EPSTI1: variants seen among roughly 807,000 people sequenced by gnomAD.
EPSTI1 encodes the protein epithelial-stromal interaction protein 1.
A neutral mutation model predicts 49.9 loss-of-function variants in EPSTI1; 66 were observed. That is an observed-to-expected ratio of 1.32 (90% CI 1.08 to 1.62). EPSTI1 has a LOEUF of 1.62. Among genes scored for constraint, EPSTI1 ranks in the 40% most tolerant of loss-of-function variants. The probability of loss-of-function intolerance (pLI) is 0.00; values close to 1 mark genes in which losing one functional copy is unlikely to be tolerated. For synonymous variants in EPSTI1, 137 were observed against 130.7 expected (o/e 1.05, Z -0.33); for missense variants, 394 against 365.5 (o/e 1.08, Z -0.64).
At chr13:42,979,242 T>G (rs2039938537) in intron 1 of EPSTI1, among the ~76,000 whole-genome samples, 1 of 152,188 alleles carries the variant, frequency 6.6e-6, no homozygotes, top group Non-Finnish European at 1.5e-5. Flanking sequence ...CACAATGAGC[T>G]TTAGAATATC....
At chr13:42,989,318 G>A (rs1294309665) in intron 1 of EPSTI1, among the ~76,000 whole-genome samples, 1 of 152,000 alleles carries the variant, frequency 6.6e-6, no homozygotes, top group Non-Finnish European at 1.5e-5. Context: ...CTTATATTAA[G>A]TAATGAGGAA....
rs544913196 is a variant in EPSTI1 at position 42,893,781 on chromosome 13, T to C, written c.915+1228A>G. Among the ~76,000 whole-genome samples, 22 of 152,348 alleles carry C rather than the reference T, an allele frequency of 1.4e-4. No individual in the cohort carries two copies. In the South Asian group the frequency reaches 4.4e-3, roughly 30 times the overall value. On this transcript the variant is annotated intron_variant, in intron 10 of 10. Transcript: ENST00000313624. Reference sequence around the variant, plus strand: ...AACCATACAGTGTGTTTCCAAGCCCTGACCAAAATCTAAATTCCAATTGTG... The same window carrying C: ...AACCATACAGTGTGTTTCCAAGCCCCGACCAAAATCTAAATTCCAATTGTG...
chr13:42,991,568 A>C (rs993374445), intron 1 of EPSTI1, among the ~76,000 whole-genome samples: 1 of 152,222 alleles, frequency 6.6e-6, no homozygotes, highest in Non-Finnish European at 1.5e-5. Context: ...AACAGGCTTG[A>C]GCCAACGCGC....
intron 6 of EPSTI1, among the ~76,000 whole-genome samples, chr13:42,947,424 T>C (rs1234369612): frequency 2.6e-5 from 4 of 152,214 alleles, no homozygotes; most frequent in African/African-American, 4.8e-5. Context: ...CATGGAGCCT[T>C]CTTCTCCTCC....
intron 6 of EPSTI1, among the ~76,000 whole-genome samples, chr13:42,936,377 A>C (rs74426830): frequency 0.02 from 3,075 of 152,332 alleles, 96 homozygotes; most frequent in African/African-American, 0.069. Context: ...CGTAAGTCCA[A>C]TTCAATCAAG....
chr13:42,938,336 T>G (rs376859374), intron 6 of EPSTI1, among the ~76,000 whole-genome samples: 69 of 152,236 alleles, frequency 4.5e-4, no homozygotes, highest in African/African-American at 1.6e-3. Context: ...GTCTTATTAG[T>G]GGGCTTAAAA....
chr13:42,943,018 C>T (rs1408075447), intron 6 of EPSTI1, among the ~76,000 whole-genome samples: 2 of 152,192 alleles, frequency 1.3e-5, no homozygotes, highest in Non-Finnish European at 2.9e-5. Context: ...AAAACAAGCA[C>T]ATATTTGACC....
chr13:42,956,666 G>T (rs1435793600), intron 5 of EPSTI1, among the ~76,000 whole-genome samples: 1 of 152,184 alleles, frequency 6.6e-6, no homozygotes, highest in Non-Finnish European at 1.5e-5. Flanking sequence ...CCTGGATGGA[G>T]AATTGGTCTC....
intron 5 of EPSTI1, among the ~76,000 whole-genome samples, chr13:42,956,053 G>A (rs921141196): frequency 6.6e-6 from 1 of 152,104 alleles, no homozygotes; most frequent in Non-Finnish European, 1.5e-5. Context: ...TGGGGACACA[G>A]ACAAAAAAGA....
chr13:42,969,338 G>A (rs191912845), intron 2 of EPSTI1, 161 bp from the exon 3 acceptor site: 37 of 686,504 alleles, frequency 5.4e-5, no homozygotes, highest in Non-Finnish European at 4.3e-5. Context: ...GCCCTGACCC[G>A]TACAGGTCAT....
intron 8 of EPSTI1, among the ~76,000 whole-genome samples, chr13:42,917,169 C>T (rs1056941138): frequency 3.3e-5 from 5 of 152,162 alleles, no homozygotes; most frequent in African/African-American, 7.2e-5. Context: ...CTTTCTTATG[C>T]ATTATCACAT....
Position 42,917,791 on chromosome 13 carries a change from A to G in EPSTI1, c.658-167T>C, listed in dbSNP as rs79550861. Among the ~76,000 whole-genome samples, 297 of 152,324 alleles carry G rather than the reference A, an allele frequency of 1.9e-3. 1 individual carries two copies. The highest frequency in any genetic ancestry group is 7.0e-3 in the African/African-American group (290 of 41,566). ...CACTTGGTTATTAAGTGATTTATGC[A>G]TATGTCTGAAAACGTCCCTTGGAAC... On this transcript the variant is annotated intron_variant, in intron 7 of 10. Coordinates refer to ENST00000313624, the MANE Select transcript of EPSTI1 (RefSeq NM_033255.5).
chr13:42,990,870 C>CA (rs1233653059), intron 1 of EPSTI1, among the ~76,000 whole-genome samples: 1 of 152,162 alleles, frequency 6.6e-6, no homozygotes. Context: ...TGGACAGTTC[C>CA]AATTCACAGA....
In EPSTI1 at chr13:42,889,341, A is replaced by G. The variant is rs1444265200; in HGVS notation, c.916-839T>C. On this transcript the variant is annotated intron_variant, in intron 10 of 10. Coordinates refer to ENST00000313624, the MANE Select transcript of EPSTI1 (RefSeq NM_033255.5). ...ATGAGAAGACTGATTTAAATTAACA[A>G]TGATTAAAAAATAAAAATCAATCCA... 2.6e-5 allele frequency: 20 copies of G among 767,414 alleles called. No homozygotes were observed. In the East Asian group the frequency reaches 6.0e-4, roughly 23 times the overall value. 47.5% of individuals were successfully genotyped at this position (767,414 alleles called of 1,614,324 possible). A position where few individuals can be genotyped will look rare whatever the true frequency, so the allele number is the denominator to read the frequency against.
chr13:42,930,991 A>G (rs376174169), intron 6 of EPSTI1, among the ~76,000 whole-genome samples: 43 of 152,342 alleles, frequency 2.8e-4, no homozygotes, highest in African/African-American at 9.9e-4. Context: ...GCTCCCACGC[A>G]ATTAGATGTG....
intron 7 of EPSTI1, among the ~76,000 whole-genome samples, chr13:42,917,855 A>C (rs2037883299): frequency 6.6e-6 from 1 of 152,200 alleles, no homozygotes; most frequent in South Asian, 2.1e-4. Flanking sequence ...ATCATCCTGC[A>C]CATTTGAAAG....
intron 8 of EPSTI1, among the ~76,000 whole-genome samples, chr13:42,911,260 TGTGTGCGCGCGCACGCGCGCACAC>T (rs1317844323): frequency 3.5e-4 from 43 of 123,998 alleles, no homozygotes; most frequent in South Asian, 1.8e-3. Flanking sequence ...TGTGTGTGTG[TGTGTGCGCGCGCACGCGCGCACAC>T]GTGTGTGAGT....
At chr13:42,936,746 G>T (rs752366422) in intron 6 of EPSTI1, among the ~76,000 whole-genome samples, 29 of 152,074 alleles carry the variant, frequency 1.9e-4, no homozygotes, top group African/African-American at 7.0e-4. Flanking sequence ...GACCAAATTC[G>T]TGTGTACAAC....
chr13:42,917,642 G>C lies in EPSTI1; in HGVS notation c.658-18C>G. ...CTTCTGGCCTGTAAAGGTACAAAGA[G>C]AAAAAAAAAAAAAAAAACAACTTGA... On this transcript the variant is annotated intron_variant, in intron 7 of 10. Coordinates refer to ENST00000313624, the MANE Select transcript of EPSTI1 (RefSeq NM_033255.5). 39 of 425,602 alleles carry C rather than the reference G, an allele frequency of 9.2e-5. No homozygotes were observed. Among genetic ancestry groups the C allele is most frequent in the Middle Eastern group, 5.2e-4 (1 of 1,926 alleles). 26.4% of individuals were successfully genotyped at this position (425,602 alleles called of 1,614,324 possible).
Sources: gnomAD v4.1 joint callset for allele counts (sites outside exome capture counted in the v4.1 genomes callset) on GRCh38, gnomAD v4.1.1 for gene constraint, MANE v1.5 for transcripts, NCBI Gene and HGNC (gene_info 2026-07-23, HGNC 2026-07-21) for gene names.